The following RAB40C variants were observed in gnomAD, a reference collection of about 807,000 sequenced individuals.
RAB40C encodes RAB40C, member RAS oncogene family.
In RAB40C, 8 loss-of-function variants were observed where a neutral mutation model predicts 28.1. The ratio of observed to expected loss-of-function variants is 0.28; its 90% CI spans 0.17 to 0.51. The LOEUF (loss-of-function observed/expected upper bound fraction) is 0.51, where lower values mean the gene tolerates loss of function less well. Ranked by LOEUF, RAB40C falls within the 20% of genes least tolerant of loss-of-function variation. The pLI is 0.97. For synonymous variants in RAB40C, 201 were observed against 171.7 expected, an observed-to-expected ratio of 1.17 and a Z score of -1.34; for missense variants, 288 against 405.9, an observed-to-expected ratio of 0.71 and a Z score of 2.50.
At chr16:619,497 G>C (rs1285815384) in intron 3 of RAB40C, among the ~76,000 whole-genome samples, 3 of 152,232 alleles carry the variant, frequency 2.0e-5, no homozygotes, top group African/African-American at 7.2e-5. Flanking sequence ...AGGCCGGAAG[G>C]AGGGCAAGGA....
chr16:623,664 G>C (rs1474556422), intron 3 of RAB40C, among the ~76,000 whole-genome samples: 3 of 151,876 alleles, frequency 2.0e-5, no homozygotes, highest in Non-Finnish European at 4.4e-5. Context: ...AAATCATGCT[G>C]GGCTGGGCAC....
intron 2 of RAB40C, 82 bp from the exon 3 acceptor site, chr16:618,118 A>C: frequency 1.5e-6 from 2 of 1,365,178 alleles, no homozygotes; most frequent in Non-Finnish European, 2.1e-6. Context: ...CAGGACATCC[A>C]GGTGGGTCGG....
chr16:623,928 CCT>C (rs1344197197), intron 3 of RAB40C: 1 of 983,588 alleles, frequency 1.0e-6, no homozygotes, highest in Middle Eastern at 5.2e-4. Context: ...AGAGTGAGAC[CCT>C]GTTTCAAAAA....
intron 1 of RAB40C, among the ~76,000 whole-genome samples, chr16:595,800 A>G (rs2151059635): frequency 6.6e-6 from 1 of 151,890 alleles, no homozygotes; most frequent in Non-Finnish European, 1.5e-5. Flanking sequence ...ATGGGGTTTC[A>G]CTGTGTTGGC....
At position 610,446 on chromosome 16, in the gene RAB40C, G is replaced by A. The variant is rs1014703525; in HGVS notation, c.143-6762G>A. 1.3e-5 allele frequency among the ~76,000 whole-genome samples: 2 copies of A among 152,154 alleles called. No individual in the cohort carries two copies. Among genetic ancestry groups the A allele is most frequent in the Non-Finnish European group, 2.9e-5 (2 of 68,006 alleles). ...GGGTGGCAGGAGTTGCTGGTGCTGCGTGAGGCCTCAGTGGGCCTGCACGGA... is the reference window on the plus strand; with the variant it reads ...GGGTGGCAGGAGTTGCTGGTGCTGCATGAGGCCTCAGTGGGCCTGCACGGA... On this transcript the variant is annotated intron_variant, in intron 1 of 5. Transcript: ENST00000248139. This position sits in a 1 kb window ranked among gnomAD's most constrained non-coding sequence, Gnocchi z 4.6.
chr16:622,162 A>C (rs775624835), intron 3 of RAB40C, among the ~76,000 whole-genome samples: 3 of 152,116 alleles, frequency 2.0e-5, no homozygotes, highest in African/African-American at 7.2e-5. Context: ...TGATAGCAAA[A>C]AGGACACCCA....
At chr16:614,164 C>A (rs879306666) in intron 1 of RAB40C, among the ~76,000 whole-genome samples, 1 of 142,014 alleles carries the variant, frequency 7.0e-6, no homozygotes, top group African/African-American at 2.7e-5. Flanking sequence ...TACCGCATCC[C>A]GATGGTGAAC....
chr16:610,829 C>T lies in RAB40C; in HGVS notation c.143-6379C>T, dbSNP rs952998023. ...AAGGGCCCCCTCCCCAGGATCCTGA[C>T]ACCTGTCCCTCTGAGAGTCCAGACC... On this transcript the variant is annotated intron_variant, in intron 1 of 5. Coordinates refer to ENST00000248139, the MANE Select transcript of RAB40C (RefSeq NM_021168.5). This position sits in a 1 kb window ranked among gnomAD's most constrained non-coding sequence, Gnocchi z 4.6. Among the ~76,000 whole-genome samples the T allele has an allele frequency of 6.6e-6, 1 of 151,836 alleles. No homozygotes were observed. Among genetic ancestry groups the T allele is most frequent in the African/African-American group, 2.4e-5 (1 of 41,370 alleles).
intron 1 of RAB40C, among the ~76,000 whole-genome samples, chr16:614,045 G>A (rs1346921065): frequency 1.3e-5 from 2 of 152,046 alleles, no homozygotes; most frequent in Non-Finnish European, 1.5e-5. Flanking sequence ...ACCGCGTCCC[G>A]ATGGTGAACT....
intron 1 of RAB40C, among the ~76,000 whole-genome samples, chr16:598,130 A>G (rs2036172330): frequency 6.6e-6 from 1 of 152,044 alleles, no homozygotes; most frequent in African/African-American, 2.4e-5. Context: ...TTGTAATCCC[A>G]GCACTTTGGG....
chr16:624,785 G>A, intron 3 of RAB40C: 1 of 985,454 alleles, frequency 1.0e-6, no homozygotes, highest in Non-Finnish European at 1.2e-6. Context: ...GCCCGACAGG[G>A]CTCTGAGTGT....
intron 1 of RAB40C, among the ~76,000 whole-genome samples, chr16:598,577 A>G (rs186425992): frequency 0.016 from 2,447 of 150,838 alleles, 86 homozygotes; most frequent in African/African-American, 0.057. Flanking sequence ...AAAAAAAAAA[A>G]AAAGAAAAAA....
intron 1 of RAB40C, among the ~76,000 whole-genome samples, chr16:606,879 G>C (rs902015620): frequency 6.6e-6 from 1 of 152,134 alleles, no homozygotes; most frequent in Admixed American, 6.5e-5. Context: ...CTCCCACCTC[G>C]AGATCCGTGC....
chr16:609,836 C>A (rs142413104), intron 1 of RAB40C, among the ~76,000 whole-genome samples: 1 of 152,164 alleles, frequency 6.6e-6, no homozygotes, highest in East Asian at 1.9e-4. Flanking sequence ...CTGGCTGGCG[C>A]GGCTCAGGAT....
chr16:622,954 CTTTTGG>C (rs1184293583), intron 3 of RAB40C, among the ~76,000 whole-genome samples: 2 of 152,180 alleles, frequency 1.3e-5, no homozygotes, highest in African/African-American at 4.8e-5. Context: ...CGAGAGTCTC[CTTTTGG>C]TTTCTCACTC....
At chr16:593,534 C>T (rs958743840) in intron 1 of RAB40C, among the ~76,000 whole-genome samples, 2 of 152,252 alleles carry the variant, frequency 1.3e-5, no homozygotes, top group African/African-American at 4.8e-5. Flanking sequence ...CAGCATGGCC[C>T]ACAGCTCCTT....
At chr16:618,475 C>A (rs1437855769) in intron 3 of RAB40C, among the ~76,000 whole-genome samples, 1 of 152,238 alleles carries the variant, frequency 6.6e-6, no homozygotes, top group African/African-American at 2.4e-5. Context: ...CTGCAGCCTC[C>A]CCCTCCCGGG....
intron 1 of RAB40C, among the ~76,000 whole-genome samples, chr16:597,253 G>A (rs2036146824): frequency 6.6e-6 from 1 of 152,066 alleles, no homozygotes; most frequent in Non-Finnish European, 1.5e-5. Flanking sequence ...CTGGAGTTGT[G>A]GAAAGGGTGA....
At chr16:623,616 G>A (rs911986810) in intron 3 of RAB40C, among the ~76,000 whole-genome samples, 6 of 139,116 alleles carry the variant, frequency 4.3e-5, no homozygotes, top group East Asian at 2.1e-4. Flanking sequence ...CAGCCTGGGC[G>A]ACAGAGTGAG....
Sources: allele counts gnomAD v4.1 joint callset (sites outside exome capture counted in the v4.1 genomes callset), GRCh38; gene constraint gnomAD v4.1.1; non-coding constraint Gnocchi (gnomAD v3.1); transcripts MANE v1.5; gene names NCBI Gene and HGNC (gene_info 2026-07-23, HGNC 2026-07-21).